Variants in DNAH7 observed in about 807,000 individuals in gnomAD.
DNAH7 encodes dynein axonemal heavy chain 7, also known as axonemal beta dynein heavy chain 7.
In DNAH7, 397 loss-of-function variants were observed where a neutral mutation model predicts 444.6. That is an observed-to-expected ratio of 0.89 (90% CI 0.82 to 0.97). The LOEUF (loss-of-function observed/expected upper bound fraction) is 0.97. Among genes scored for constraint, DNAH7 ranks in the 50% least tolerant of loss-of-function variants. The pLI, the probability that DNAH7 is intolerant of heterozygous loss-of-function variation, is 0.00. For missense variants in DNAH7, 4,902 were observed against 4,800.8 expected, an observed-to-expected ratio of 1.02 and a Z score of -0.62; for synonymous variants, 1,636 against 1,624.4, an observed-to-expected ratio of 1.01 and a Z score of -0.17.
At chr2:195,749,558 A>T (rs1443194030) in intron 63 of DNAH7, among the ~76,000 whole-genome samples, 1 of 152,022 alleles carries the variant, frequency 6.6e-6, no homozygotes, top group East Asian at 1.9e-4. Context: ...CACTATTCAC[A>T]ATAGCAAAGA....
At chr2:196,016,485 T>C (rs1178109292) in intron 9 of DNAH7, among the ~76,000 whole-genome samples, 1 of 152,058 alleles carries the variant, frequency 6.6e-6, no homozygotes, top group Admixed American at 6.6e-5. Flanking sequence ...GACAAAGAAA[T>C]CCATACTGTA....
intron 10 of DNAH7, among the ~76,000 whole-genome samples, chr2:196,011,400 T>A (rs1045768607): frequency 6.6e-6 from 1 of 151,762 alleles, no homozygotes; most frequent in African/African-American, 2.4e-5. Context: ...AGAAGAGAGA[T>A]AACAACAAAG....
rs536933027 is a variant in DNAH7 at position 196,049,178 on chromosome 2, A to G, written c.142-774T>C. Among the ~76,000 whole-genome samples, 3 of 152,284 alleles carry G rather than the reference A, an allele frequency of 2.0e-5. No individual in the cohort carries two copies. The South Asian group carries it at 6.2e-4, about 32-fold the overall frequency. On this transcript the variant is annotated intron_variant, in intron 3 of 64. Coordinates refer to ENST00000312428, the MANE Select transcript of DNAH7 (RefSeq NM_018897.3). ...AACCAACTTAAAAGTCCATGTCTGT[A>G]CTGGCTTCTCTTTCTGCCTAGTTTT...
chr2:195,772,191 C>G (rs571930618), intron 60 of DNAH7, among the ~76,000 whole-genome samples: 46 of 152,256 alleles, frequency 3.0e-4, no homozygotes, highest in Non-Finnish European at 5.1e-4. Flanking sequence ...GTTGCAGATG[C>G]TGCAGATAGT....
intron 40 of DNAH7, 101 bp from the exon 41 acceptor site, chr2:195,865,122 T>C: frequency 8.5e-7 from 1 of 1,178,428 alleles, no homozygotes; most frequent in Non-Finnish European, 1.2e-6. Context: ...TATTAGAAAA[T>C]TTCTGCAGGT....
At position 195,972,402 on chromosome 2, in the gene DNAH7, T is replaced by C. The variant is rs201636516; in HGVS notation, c.1898A>G (p.Lys633Arg). 8.1e-6 allele frequency: 13 copies of C among 1,614,156 alleles called. No individual in the cohort carries two copies. In the African/African-American group the frequency reaches 1.6e-4, roughly 20 times the overall value. The change falls in exon 16 of 65, where the codon AAA (lysine) becomes AGA (arginine). Residue 633 changes from lysine (K) to arginine (R), a missense_variant. Physicochemically the swap from Lys to Arg is conservative, Grantham distance 26. Transcript: ENST00000312428. Reference sequence around the variant, plus strand: ...CTCGATGAGGAAGGCGAGGCAGTTTTTGGAATCCACTAATCTCTGTTCTAG... The same window carrying C: ...CTCGATGAGGAAGGCGAGGCAGTTTCTGGAATCCACTAATCTCTGTTCTAG... ...IELEQRLVDS[K>R]NCLAFLIEYV...
At chr2:195,855,206 A>G (rs1377923319) in intron 45 of DNAH7, among the ~76,000 whole-genome samples, 1 of 152,174 alleles carries the variant, frequency 6.6e-6, no homozygotes, top group Non-Finnish European at 1.5e-5. Flanking sequence ...TAAGCATTCA[A>G]TAAATGTTGA....
At chr2:196,039,632 TGCTAAAAATAGAAAAAATTAGCTGG>T (rs549955032) in intron 5 of DNAH7, among the ~76,000 whole-genome samples, 4 of 152,096 alleles carry the variant, frequency 2.6e-5, no homozygotes, top group Non-Finnish European at 2.9e-5. Context: ...ACCCTGTCTC[TGCTAAAAATAGAAAAAATTAGCTGG>T]GGGTGGAGGT....
intron 47 of DNAH7, among the ~76,000 whole-genome samples, chr2:195,838,274 G>C (rs541473796): frequency 6.6e-5 from 10 of 152,188 alleles, no homozygotes; most frequent in Admixed American, 4.6e-4. Context: ...ACAGGACCTA[G>C]AGTCTCATAT....
At chr2:195,891,920 T>G in intron 30 of DNAH7, 116 bp from the exon 31 acceptor site, 1 of 805,370 alleles carries the variant, frequency 1.2e-6, no homozygotes, top group Non-Finnish European at 1.8e-6. Context: ...TTAGAAGTAG[T>G]GAATTTGACA....
intron 23 of DNAH7, among the ~76,000 whole-genome samples, chr2:195,922,725 G>A (rs1419344457): frequency 2.0e-5 from 3 of 152,066 alleles, no homozygotes; most frequent in Admixed American, 6.6e-5. Context: ...CTATGCCCAC[G>A]CCCAATAGGC....
chr2:195,937,909 G>C (rs986706827), intron 19 of DNAH7, among the ~76,000 whole-genome samples: 1 of 152,120 alleles, frequency 6.6e-6, no homozygotes, highest in African/African-American at 2.4e-5. Flanking sequence ...ATTTATTAAT[G>C]TAACAGGGCA....
intron 58 of DNAH7, among the ~76,000 whole-genome samples, chr2:195,782,801 T>C (rs1225177475): frequency 6.6e-6 from 1 of 152,214 alleles, no homozygotes; most frequent in Non-Finnish European, 1.5e-5. Context: ...GGCTGCACCA[T>C]CTGCCCTCCA....
intron 19 of DNAH7, among the ~76,000 whole-genome samples, chr2:195,951,530 G>A (rs1264080001): frequency 6.6e-6 from 1 of 152,106 alleles, no homozygotes; most frequent in Non-Finnish European, 1.5e-5. Context: ...GTCTAATACT[G>A]TGGGGTGCTA....
chr2:195,748,680 C>G (rs1168229479), intron 63 of DNAH7, among the ~76,000 whole-genome samples: 1 of 152,092 alleles, frequency 6.6e-6, no homozygotes, highest in Admixed American at 6.6e-5. Context: ...GAAATAACGC[C>G]GCTTATCTAC....
chr2:196,019,169 C>T lies in DNAH7; in HGVS notation c.869+1G>A, dbSNP rs1442295352. On this transcript the variant is annotated splice_donor_variant, in intron 9 of 64. Coordinates refer to ENST00000312428, the MANE Select transcript of DNAH7 (RefSeq NM_018897.3). LOFTEE classifies it high-confidence loss of function. ...ACCTCTATAAGGCCACATATACTCA[C>T]TTAAAATTAGTGTGCCACAAATCTA... The T allele has an allele frequency of 6.8e-7, 1 of 1,473,960 alleles. No individual in the cohort carries two copies. Among genetic ancestry groups the T allele is most frequent in the Admixed American group, 1.9e-5 (1 of 52,624 alleles). 91.3% of individuals were successfully genotyped at this position (1,473,960 alleles called of 1,614,324 possible).
chr2:195,847,040 A>C (rs1699038527), intron 46 of DNAH7, among the ~76,000 whole-genome samples: 1 of 144,582 alleles, frequency 6.9e-6, no homozygotes, highest in African/African-American at 2.7e-5. Flanking sequence ...CTAGTAGTTA[A>C]TACTACTTTA....
At chr2:195,910,384 G>C (rs114822146) in intron 24 of DNAH7, among the ~76,000 whole-genome samples, 189 bp from the exon 25 acceptor site, 145 of 152,080 alleles carry the variant, frequency 9.5e-4, no homozygotes, top group African/African-American at 3.1e-3. Context: ...TTTTATTTCT[G>C]AATAGCTATA....
chr2:195,995,043 C>G, intron 12 of DNAH7: 1 of 256,048 alleles, frequency 3.9e-6, no homozygotes, highest in South Asian at 4.7e-5. Flanking sequence ...GATTCTCCTG[C>G]CTCAGCCTCC....
Sources: gnomAD v4.1 joint callset for allele counts (sites outside exome capture counted in the v4.1 genomes callset) on GRCh38, gnomAD v4.1.1 for gene constraint, MANE v1.5 for transcripts, NCBI Gene and HGNC (gene_info 2026-07-23, HGNC 2026-07-21) for gene names.